The following DYM variants were observed in gnomAD, a reference collection of about 807,000 sequenced individuals.
DYM encodes the protein dymeclin.
Under a neutral mutation model 93.1 loss-of-function variants are expected in DYM, and 78 were observed. The ratio of observed to expected loss-of-function variants is 0.84; its 90% CI spans 0.70 to 1.01. DYM has a LOEUF of 1.01. Ranked by LOEUF, DYM falls within the 50% of genes least tolerant of loss-of-function variation. DYM has a pLI of 0.00. For synonymous variants in DYM, 321 were observed against 319.7 expected (o/e 1.00, Z -0.04); for missense variants, 789 against 845.0 (o/e 0.93, Z 0.82).
intron 8 of DYM, among the ~76,000 whole-genome samples, chr18:49,329,276 G>A (rs1023915266): frequency 2.6e-4 from 35 of 133,358 alleles, no homozygotes; most frequent in Non-Finnish European, 4.8e-4. Flanking sequence ...ACACACTGGG[G>A]CCTGTTGTGG....
At chr18:49,183,550 A>G (rs1037626614) in intron 14 of DYM, among the ~76,000 whole-genome samples, 2 of 152,134 alleles carry the variant, frequency 1.3e-5, no homozygotes, top group Admixed American at 1.3e-4. Context: ...GCTTAGAAAA[A>G]TATTTACCAC....
At chr18:49,208,719 CCTT>C (rs1211901470) in intron 14 of DYM, 1 of 152,074 alleles carries the variant, frequency 6.6e-6, no homozygotes, top group Admixed American at 6.5e-5. Context: ...GGAGTTTTCT[CCTT>C]CTTCATCTAA....
intron 13 of DYM, among the ~76,000 whole-genome samples, chr18:49,210,934 G>A (rs1448982150): frequency 1.3e-5 from 2 of 152,122 alleles, no homozygotes; most frequent in African/African-American, 2.4e-5. Context: ...CATAAAATAC[G>A]CCTTGGTAGA....
chr18:49,235,671 G>C (rs546016658), intron 13 of DYM, among the ~76,000 whole-genome samples: 23 of 151,230 alleles, frequency 1.5e-4, no homozygotes, highest in Admixed American at 5.9e-4. Context: ...AATTACTTAC[G>C]AGATAGAATA....
At chr18:49,061,655 G>A (rs1409547362) in intron 17 of DYM, among the ~76,000 whole-genome samples, 4 of 152,176 alleles carry the variant, frequency 2.6e-5, no homozygotes, top group Admixed American at 6.5e-5. Flanking sequence ...CTAGGCGATG[G>A]GGGCTGAGGG....
chr18:49,440,435 T>A (rs1309511765), intron 1 of DYM, among the ~76,000 whole-genome samples: 10 of 117,122 alleles, frequency 8.5e-5, no homozygotes, highest in Non-Finnish European at 1.5e-4. Context: ...TATTTAGGAG[T>A]AAAGTGACTA....
intron 8 of DYM, among the ~76,000 whole-genome samples, chr18:49,314,278 T>C (rs2146420208): frequency 6.6e-6 from 1 of 152,354 alleles, no homozygotes; most frequent in African/African-American, 2.4e-5. Context: ...TCACTCAACA[T>C]TGTGCTGTAA....
intron 6 of DYM, among the ~76,000 whole-genome samples, chr18:49,353,576 T>C (rs1464114957): frequency 6.6e-6 from 1 of 151,842 alleles, no homozygotes; most frequent in Non-Finnish European, 1.5e-5. Context: ...AATTTAAATA[T>C]AATAGAATAT....
chr18:49,249,474 C>T (rs144958168), intron 13 of DYM, among the ~76,000 whole-genome samples: 1 of 152,130 alleles, frequency 6.6e-6, no homozygotes, highest in East Asian at 1.9e-4. Flanking sequence ...CCCATGAAAA[C>T]TTAATTCAGT....
At chr18:49,291,986 T>C (rs1399786726) in intron 8 of DYM, among the ~76,000 whole-genome samples, 1 of 152,134 alleles carries the variant, frequency 6.6e-6, no homozygotes, top group Non-Finnish European at 1.5e-5. Flanking sequence ...TCACTGTGTG[T>C]TCCAGGATTC....
rs1242745758 is a variant in DYM at position 49,037,624 on chromosome 18, C to A, written c.*6431G>T. 2.6e-5 allele frequency among the ~76,000 whole-genome samples: 4 copies of A among 152,124 alleles called. No homozygotes were observed. The highest frequency in any genetic ancestry group is 4.4e-5 in the Non-Finnish European group (3 of 68,022). On this transcript the variant is annotated 3_prime_UTR_variant, in exon 18 of 18. Transcript: ENST00000675505. ...TAAGCATAGTTTTATTTGCATCCCA[C>A]AAGTTTTTTCTCTGTTTTGATATGT...
intron 15 of DYM, among the ~76,000 whole-genome samples, chr18:49,139,186 TAA>T (rs1341667675): frequency 3.9e-5 from 6 of 152,148 alleles, no homozygotes; most frequent in African/African-American, 1.2e-4. Context: ...ATCAGAGTGA[TAA>T]GAGAGCAGTT....
At chr18:49,232,670 G>A (rs2093736680) in intron 13 of DYM, among the ~76,000 whole-genome samples, 1 of 146,156 alleles carries the variant, frequency 6.8e-6, no homozygotes, top group Admixed American at 7.0e-5. Flanking sequence ...GTGCAGTGGC[G>A]AGATCTCGGC....
intron 1 of DYM, among the ~76,000 whole-genome samples, chr18:49,456,030 A>G (rs2082952988): frequency 6.6e-6 from 1 of 151,762 alleles, no homozygotes; most frequent in Non-Finnish European, 1.5e-5. Context: ...CATTTTTTTG[A>G]CCAGGCATAT....
At chr18:49,097,191 C>T (rs1568413637) in intron 17 of DYM, 1 of 605,856 alleles carries the variant, frequency 1.7e-6, no homozygotes, top group Non-Finnish European at 2.9e-6. Context: ...AATTATAGTG[C>T]ATGCCATGGC....
chr18:49,199,784 A>G (rs535313412), intron 14 of DYM, among the ~76,000 whole-genome samples: 3 of 152,336 alleles, frequency 2.0e-5, no homozygotes, highest in African/African-American at 4.8e-5. Flanking sequence ...AACTCATTAG[A>G]GCTTTGTCTT....
chr18:49,054,681 C>G (rs927948210), intron 17 of DYM, among the ~76,000 whole-genome samples: 1 of 152,180 alleles, frequency 6.6e-6, no homozygotes, highest in Non-Finnish European at 1.5e-5. Context: ...TATCTAGGAA[C>G]ACCATGGCTG....
At chr18:49,276,559 A>G (rs2094851578) in intron 10 of DYM, among the ~76,000 whole-genome samples, 2 of 152,190 alleles carry the variant, frequency 1.3e-5, no homozygotes, top group South Asian at 2.1e-4. Context: ...AGTATTCTAG[A>G]GAGAAAAACC....
At chr18:49,279,333 T>A (rs904643994) in intron 10 of DYM, among the ~76,000 whole-genome samples, 12 of 152,180 alleles carry the variant, frequency 7.9e-5, no homozygotes, top group African/African-American at 2.7e-4. Flanking sequence ...CTGTTAAACA[T>A]TACCTTCTTA....
Sources: gnomAD v4.1 joint callset for allele counts (sites outside exome capture counted in the v4.1 genomes callset) on GRCh38, gnomAD v4.1.1 for gene constraint, MANE v1.5 for transcripts, NCBI Gene and HGNC (gene_info 2026-07-23, HGNC 2026-07-21) for gene names.